Variants in PACSIN2 observed in about 807,000 individuals in gnomAD.
PACSIN2 encodes protein kinase C and casein kinase substrate in neurons 2.
In PACSIN2, 25 loss-of-function variants were observed where a neutral mutation model predicts 63.8. The ratio of observed to expected loss-of-function variants is 0.39; its 90% CI spans 0.29 to 0.55. PACSIN2 has a LOEUF of 0.55. Ranked by LOEUF, PACSIN2 falls within the 20% of genes least tolerant of loss-of-function variation. The pLI, the probability that PACSIN2 is intolerant of heterozygous loss-of-function variation, is 0.62. For synonymous variants in PACSIN2, 255 were observed against 256.2 expected (o/e 1.00, Z 0.05); for missense variants, 518 against 646.9 (o/e 0.80, Z 2.16).
At chr22:42,949,710 T>TCACA (rs377325676) in intron 1 of PACSIN2, among the ~76,000 whole-genome samples, 21 of 134,924 alleles carry the variant, frequency 1.6e-4, no homozygotes, top group African/African-American at 6.4e-4. Context: ...ACACACTCTC[T>TCACA]CACACACACA....
chr22:42,898,396 C>G (rs1365273035), intron 2 of PACSIN2, among the ~76,000 whole-genome samples: 4 of 151,998 alleles, frequency 2.6e-5, no homozygotes, highest in Admixed American at 2.6e-4. Flanking sequence ...CTCAGCCTCA[C>G]GAGTAGCTGG....
chr22:42,895,467 A>C (rs1441421623), intron 2 of PACSIN2, among the ~76,000 whole-genome samples: 4 of 152,172 alleles, frequency 2.6e-5, no homozygotes, highest in African/African-American at 9.7e-5. Flanking sequence ...AATCACCATC[A>C]AATCATGTAT....
At chr22:42,967,124 G>A (rs1320405207) in intron 1 of PACSIN2, among the ~76,000 whole-genome samples, 1 of 152,194 alleles carries the variant, frequency 6.6e-6, no homozygotes, top group East Asian at 1.9e-4. Context: ...AAACTAGGCA[G>A]GGAATGTGGA....
At chr22:42,969,151 TAA>T (rs1921054034) in intron 1 of PACSIN2, among the ~76,000 whole-genome samples, 1 of 152,224 alleles carries the variant, frequency 6.6e-6, no homozygotes, top group South Asian at 2.1e-4. Context: ...AAATACAACT[TAA>T]AAGACATGGT....
At chr22:42,954,105 C>T (rs575245400) in intron 1 of PACSIN2, among the ~76,000 whole-genome samples, 1 of 152,060 alleles carries the variant, frequency 6.6e-6, no homozygotes, top group South Asian at 2.1e-4. Flanking sequence ...TACCAAAAAA[C>T]TCAAAAAATT....
intron 1 of PACSIN2, among the ~76,000 whole-genome samples, chr22:42,940,723 G>A (rs868322834): frequency 1.3e-5 from 2 of 152,214 alleles, no homozygotes; most frequent in South Asian, 4.2e-4. Flanking sequence ...GTTTAATCCC[G>A]GAAGTCACAA....
chr22:42,873,178 TTCAA>T (rs745350611), intron 10 of PACSIN2, among the ~76,000 whole-genome samples: 10 of 152,240 alleles, frequency 6.6e-5, no homozygotes, highest in Non-Finnish European at 1.3e-4. Flanking sequence ...GAAGGTTCAT[TTCAA>T]TCAGTTTGCT....
In PACSIN2 at chr22:42,983,489, CAAAAAA is replaced by C. The variant is rs775403003; in HGVS notation, c.-78+31526_-78+31531del. On this transcript the variant is annotated intron_variant, in intron 1 of 10. Transcript: ENST00000263246. ...TGGACAACAGAGTGAGACTCCATCT[CAAAAAA>C]AAAAAAAAAAAAACAGATATTGAAG... Among the ~76,000 whole-genome samples, 352 of 82,260 alleles carry C rather than the reference CAAAAAA, an allele frequency of 4.3e-3. 10 individuals are homozygous for C. Among genetic ancestry groups the C allele is most frequent in the South Asian group, 2.5e-3 (6 of 2,364 alleles). 54.0% of individuals were successfully genotyped at this position (82,260 alleles called of 152,430 possible). A position where few individuals can be genotyped will look rare whatever the true frequency, so the allele number is the denominator to read the frequency against.
At chr22:42,911,992 C>A (rs775353040) in intron 2 of PACSIN2, 29 bp downstream of exon 2, 1 of 1,565,992 alleles carries the variant, frequency 6.4e-7, no homozygotes. Context: ...CTGGCCACTT[C>A]ATTCACTGGA....
chr22:42,989,447 G>A (rs1192918175), intron 1 of PACSIN2, among the ~76,000 whole-genome samples: 2 of 149,332 alleles, frequency 1.3e-5, no homozygotes, highest in African/African-American at 2.5e-5. Context: ...GCAGTGAGCC[G>A]AGATCACACG....
intron 1 of PACSIN2, among the ~76,000 whole-genome samples, chr22:42,984,501 C>G (rs1034294587): frequency 6.6e-5 from 10 of 152,126 alleles, no homozygotes; most frequent in African/African-American, 2.4e-4. Flanking sequence ...CAGACTGGAT[C>G]TGGAGATGAG....
chr22:42,985,154 C>T (rs903828524), intron 1 of PACSIN2, among the ~76,000 whole-genome samples: 1 of 152,190 alleles, frequency 6.6e-6, no homozygotes, highest in Non-Finnish European at 1.5e-5. Context: ...CATGCGAAAC[C>T]CCATCTCTGC....
rs146997649 is a variant in PACSIN2, at chr22:42,979,988, T to C, written c.-78+35033A>G. 1.3e-3 allele frequency among the ~76,000 whole-genome samples: 194 copies of C among 152,288 alleles called. 1 individual carries two copies. Among genetic ancestry groups the C allele is most frequent in the African/African-American group, 4.5e-3 (188 of 41,554 alleles). ...TATAGTATAAATACACATACATGCT[T>C]AACTATATAAACCTATGAAATAAGC... On this transcript the variant is annotated intron_variant, in intron 1 of 10. Coordinates refer to ENST00000263246, the MANE Select transcript of PACSIN2 (RefSeq NM_001184970.3).
chr22:42,920,154 A>G (rs1053807013), intron 1 of PACSIN2, among the ~76,000 whole-genome samples: 4 of 152,118 alleles, frequency 2.6e-5, no homozygotes, highest in East Asian at 1.9e-4. Flanking sequence ...TAAAAAAGAA[A>G]AAAAGAAACT....
chr22:42,935,207 G>A (rs1481758792), intron 1 of PACSIN2, among the ~76,000 whole-genome samples: 2 of 151,846 alleles, frequency 1.3e-5, no homozygotes, highest in South Asian at 2.1e-4. Flanking sequence ...TTATAGGCGT[G>A]AGCCACCGTG....
chr22:43,002,159 C>A (rs567599421), intron 1 of PACSIN2, among the ~76,000 whole-genome samples: 1 of 152,282 alleles, frequency 6.6e-6, no homozygotes, highest in East Asian at 1.9e-4. Flanking sequence ...GCCAGGAACC[C>A]CCATGAGAGC....
At chr22:42,998,571 G>A (rs1291197377) in intron 1 of PACSIN2, among the ~76,000 whole-genome samples, 1 of 152,192 alleles carries the variant, frequency 6.6e-6, no homozygotes, top group Non-Finnish European at 1.5e-5. Context: ...AGAAACTCCA[G>A]ATGACAAAAG....
At chr22:42,998,640 T>A (rs1251815070) in intron 1 of PACSIN2, among the ~76,000 whole-genome samples, 2 of 152,158 alleles carry the variant, frequency 1.3e-5, no homozygotes, top group African/African-American at 4.8e-5. Flanking sequence ...AATCACAGCA[T>A]CATTTATATA....
chr22:42,874,323 TAA>T (rs5845568), intron 10 of PACSIN2, among the ~76,000 whole-genome samples: 3,047 of 133,804 alleles, frequency 0.023, 45 homozygotes, highest in Non-Finnish European at 0.031. Flanking sequence ...GTGTCTCTAT[TAA>T]AAAAAAAAAA....
Sources: gnomAD v4.1 joint callset for allele counts (sites outside exome capture counted in the v4.1 genomes callset) on GRCh38, gnomAD v4.1.1 for gene constraint, MANE v1.5 for transcripts, NCBI Gene and HGNC (gene_info 2026-07-23, HGNC 2026-07-21) for gene names.